Variants in GNG12 observed in about 807,000 individuals in gnomAD.
The protein encoded by GNG12 is G protein subunit gamma 12, also known as guanine nucleotide-binding protein G(I)/G(S)/G(O) subunit gamma-12.
For missense variants in GNG12, 69 were observed against 83.8 expected, an observed-to-expected ratio of 0.82 and a Z score of 0.69; for synonymous variants, 28 against 29.7, an observed-to-expected ratio of 0.94 and a Z score of 0.19.
rs138850640 is a variant in GNG12 at position 67,777,390 on chromosome 1, T to C, written c.-27+68A>G. The C allele has an allele frequency of 5.6e-4, 134 of 239,302 alleles. 1 individual carries two copies. The highest frequency in any genetic ancestry group is 2.9e-3 in the African/African-American group (126 of 43,140). 14.8% of individuals were successfully genotyped at this position (239,302 alleles called of 1,614,324 possible). On this transcript the variant is annotated intron_variant, in intron 2 of 3. Coordinates refer to ENST00000370982, the MANE Select transcript of GNG12 (RefSeq NM_018841.6). ...AGCACTGGTAGGGAAGCATCTAACT[T>C]AGAAGTGTGAATATCATCTCAAAAA...
intron 1 of GNG12, among the ~76,000 whole-genome samples, chr1:67,780,508 T>C (rs1321046216): frequency 2.0e-5 from 3 of 152,160 alleles, no homozygotes; most frequent in Non-Finnish European, 2.9e-5. Flanking sequence ...CATTTTTGTC[T>C]CTCCAGGACC....
chr1:67,746,936 G>GTT (rs903091427), intron 2 of GNG12, among the ~76,000 whole-genome samples: 4 of 148,992 alleles, frequency 2.7e-5, no homozygotes, highest in African/African-American at 9.8e-5. Context: ...AAAAGTGTGT[G>GTT]TTTTTTTTTT....
At chr1:67,745,899 G>A (rs1178577274) in intron 2 of GNG12, among the ~76,000 whole-genome samples, 1 of 152,198 alleles carries the variant, frequency 6.6e-6, no homozygotes, top group African/African-American at 2.4e-5. Flanking sequence ...CTATATCCCT[G>A]CAACTGTTAA....
chr1:67,709,924 T>TTA (rs1172743916), intron 2 of GNG12, among the ~76,000 whole-genome samples: 1 of 41,348 alleles, frequency 2.4e-5, no homozygotes, highest in African/African-American at 8.8e-5. Context: ...ATATATATAG[T>TTA]TATATATATA....
chr1:67,787,766 G>A (rs1646779198), intron 1 of GNG12, among the ~76,000 whole-genome samples: 1 of 152,204 alleles, frequency 6.6e-6, no homozygotes, highest in South Asian at 2.1e-4. Flanking sequence ...GAGGACGGCA[G>A]AATTATTTCC....
intron 2 of GNG12, chr1:67,777,079 T>A: frequency 6.6e-6 from 1 of 152,208 alleles, no homozygotes; most frequent in East Asian, 1.9e-4. Context: ...TGTTTTATGT[T>A]GTAGCTGTGA....
chr1:67,744,984 A>G (rs1039773977), intron 2 of GNG12, among the ~76,000 whole-genome samples: 4 of 152,036 alleles, frequency 2.6e-5, no homozygotes, highest in African/African-American at 9.7e-5. Context: ...CAAGTCGCTT[A>G]TTTTCTCTGT....
At chr1:67,808,273 T>A (rs10889715) in intron 1 of GNG12, among the ~76,000 whole-genome samples, 49,419 of 151,584 alleles carry the variant, frequency 0.33, 8,295 homozygotes, top group Middle Eastern at 0.5. Context: ...GATTTTTTTT[T>A]AAAAAAACTA....
intron 2 of GNG12, among the ~76,000 whole-genome samples, chr1:67,718,317 A>G (rs1646338277): frequency 6.6e-6 from 1 of 152,150 alleles, no homozygotes; most frequent in Admixed American, 6.5e-5. Context: ...GTCCTATAAA[A>G]ATGTGAGCCA....
At chr1:67,719,776 T>C (rs993742448) in intron 2 of GNG12, among the ~76,000 whole-genome samples, 2 of 152,246 alleles carry the variant, frequency 1.3e-5, no homozygotes, top group Non-Finnish European at 1.5e-5. Context: ...TTGCCCAAGA[T>C]CATACAGCTA....
At chr1:67,713,125 T>C (rs1646305997) in intron 2 of GNG12, among the ~76,000 whole-genome samples, 1 of 152,146 alleles carries the variant, frequency 6.6e-6, no homozygotes, top group South Asian at 2.1e-4. Flanking sequence ...TCCCTTCTCA[T>C]GCATGCAAGC....
At chr1:67,811,600 C>T (rs1570568519) in intron 1 of GNG12, among the ~76,000 whole-genome samples, 1 of 152,304 alleles carries the variant, frequency 6.6e-6, no homozygotes, top group Non-Finnish European at 1.5e-5. Context: ...TGACATCTGG[C>T]TCTCTTTGCA....
intron 1 of GNG12, among the ~76,000 whole-genome samples, chr1:67,782,441 T>C (rs1646743210): frequency 6.6e-6 from 1 of 152,176 alleles, no homozygotes. Flanking sequence ...AACCAAATGG[T>C]ACCACCCCAT....
At chr1:67,785,758 T>C (rs1646764325) in intron 1 of GNG12, among the ~76,000 whole-genome samples, 2 of 152,220 alleles carry the variant, frequency 1.3e-5, no homozygotes, top group East Asian at 3.8e-4. Context: ...ACACTTCTAA[T>C]GCATTCTTAG....
chr1:67,820,846 C>T (rs959906198), intron 1 of GNG12, among the ~76,000 whole-genome samples: 1 of 152,092 alleles, frequency 6.6e-6, no homozygotes, highest in African/African-American at 2.4e-5. Flanking sequence ...AGTTTACTGC[C>T]GGGACACTAT....
intron 2 of GNG12, among the ~76,000 whole-genome samples, chr1:67,722,274 G>A (rs1164691148): frequency 6.6e-6 from 1 of 152,088 alleles, no homozygotes; most frequent in Non-Finnish European, 1.5e-5. Context: ...TTCTTGAAGG[G>A]GCAGGAGAAA....
intron 2 of GNG12, among the ~76,000 whole-genome samples, chr1:67,760,095 T>C: frequency 6.6e-6 from 1 of 152,342 alleles, no homozygotes; most frequent in Non-Finnish European, 1.5e-5. Context: ...TCATAACCAC[T>C]AACTTTGTAG....
intron 1 of GNG12, among the ~76,000 whole-genome samples, chr1:67,823,930 A>C (rs184279986): frequency 9.1e-4 from 138 of 152,334 alleles, no homozygotes; most frequent in Non-Finnish European, 1.6e-3. Context: ...AAACCATGGT[A>C]CATCCACATG....
chr1:67,829,866 T>C (rs1334513782), intron 1 of GNG12, among the ~76,000 whole-genome samples: 1 of 152,198 alleles, frequency 6.6e-6, no homozygotes, highest in African/African-American at 2.4e-5. Flanking sequence ...CATCTCTGTG[T>C]CCCAGTGGAG....
Sources: gnomAD v4.1 joint callset for allele counts (sites outside exome capture counted in the v4.1 genomes callset) on GRCh38, gnomAD v4.1.1 for gene constraint, MANE v1.5 for transcripts, NCBI Gene and HGNC (gene_info 2026-07-23, HGNC 2026-07-21) for gene names.